Variants in ZNF423 observed in about 807,000 individuals in gnomAD.
The protein encoded by ZNF423 is zinc finger protein 423, also known as Ebf-associated zinc finger protein.
In ZNF423, 12 loss-of-function variants were observed where a neutral mutation model predicts 95.8. The ratio of observed to expected loss-of-function variants is 0.13; its 90% CI spans 0.08 to 0.20. The LOEUF is 0.20. ZNF423 is among the 10% of genes least tolerant of loss of function. ZNF423 has a pLI of 1.00. For missense variants in ZNF423, 1,316 were observed against 1,737.1 expected (o/e 0.76, Z 4.31); for synonymous variants, 749 against 711.9 (o/e 1.05, Z -0.83).
At chr16:49,773,714 G>C (rs774751150) in intron 2 of ZNF423, among the ~76,000 whole-genome samples, 13 of 152,214 alleles carry the variant, frequency 8.5e-5, no homozygotes, top group Non-Finnish European at 7.3e-5. Flanking sequence ...CCACAAACTT[G>C]CTGTGTGACA....
chr16:49,789,240 T>C (rs2034369627), intron 2 of ZNF423, among the ~76,000 whole-genome samples: 1 of 152,230 alleles, frequency 6.6e-6, no homozygotes, highest in South Asian at 2.1e-4. Context: ...ACTGCCCATC[T>C]GAACTGTAGC....
At chr16:49,714,473 A>G (rs1252038116) in intron 3 of ZNF423, among the ~76,000 whole-genome samples, 2 of 152,066 alleles carry the variant, frequency 1.3e-5, no homozygotes, top group Non-Finnish European at 1.5e-5. Flanking sequence ...CCTGGCCAAC[A>G]TGGCAAAACC....
chr16:49,557,316 G>T (rs1383295331), intron 5 of ZNF423, among the ~76,000 whole-genome samples: 3 of 152,214 alleles, frequency 2.0e-5, no homozygotes, highest in Admixed American at 1.3e-4. Context: ...AGGGAGGGGG[G>T]CAGACGCCGC....
Position 49,492,255 on chromosome 16 carries a change from A to G in ZNF423, c.3850-951T>C, listed in dbSNP as rs1262455771. On this transcript the variant is annotated intron_variant, in intron 7 of 7. Coordinates refer to ENST00000563137, the MANE Select transcript of ZNF423 (RefSeq NM_001379286.1). The surrounding 1 kb of genome is among the most constrained non-coding windows in gnomAD (Gnocchi z 4.2). Reference sequence around the variant, plus strand: ...GCTCCACCTCATGACACCTGGAGAAAGGAGGCAACATCCACCAGGTGTAGG... The same window carrying G: ...GCTCCACCTCATGACACCTGGAGAAGGGAGGCAACATCCACCAGGTGTAGG... Among the ~76,000 whole-genome samples, 1 of 152,160 alleles carries G rather than the reference A, an allele frequency of 6.6e-6. No homozygotes were observed. The highest frequency in any genetic ancestry group is 1.5e-5 in the Non-Finnish European group (1 of 68,036).
Position 49,702,255 on chromosome 16 carries a change from C to T in ZNF423, c.301+28516G>A, listed in dbSNP as rs1476304095. ...GGGCCTTTGGAGACGCTCACACTGC[C>T]AGCGAGTCTCTGAACGCTGGAACCG... On this transcript the variant is annotated intron_variant, in intron 3 of 7. Coordinates refer to ENST00000563137, the MANE Select transcript of ZNF423 (RefSeq NM_001379286.1). Among the ~76,000 whole-genome samples, 4 of 152,220 alleles carry T rather than the reference C, an allele frequency of 2.6e-5. No individual in the cohort carries two copies. The East Asian group carries it at 7.7e-4, about 29-fold the overall frequency.
At chr16:49,563,286 C>T (rs1970077497) in intron 5 of ZNF423, among the ~76,000 whole-genome samples, 1 of 152,052 alleles carries the variant, frequency 6.6e-6, no homozygotes, top group South Asian at 2.1e-4. Context: ...CTGGCACCTC[C>T]CCCCTCCCTC....
rs1012777791 is a variant in ZNF423, at chr16:49,538,230, T to C, written c.3602-12736A>G. Among the ~76,000 whole-genome samples, 7 of 152,246 alleles carry C rather than the reference T, an allele frequency of 4.6e-5. 1 individual carries two copies. In the South Asian group the frequency reaches 1.5e-3, roughly 32 times the overall value. ...GCCACCTCCACACAGCCTCCAACTCTCCAGCGAGGTGCAGCGAGCAGAACA... is the reference window on the plus strand; with the variant it reads ...GCCACCTCCACACAGCCTCCAACTCCCCAGCGAGGTGCAGCGAGCAGAACA... On this transcript the variant is annotated intron_variant, in intron 5 of 7. Coordinates refer to ENST00000563137, the MANE Select transcript of ZNF423 (RefSeq NM_001379286.1).
intron 5 of ZNF423, among the ~76,000 whole-genome samples, chr16:49,534,017 G>A (rs1968959194): frequency 6.6e-6 from 1 of 152,080 alleles, no homozygotes; most frequent in Non-Finnish European, 1.5e-5. Flanking sequence ...AATTAGCCAG[G>A]CATGGTGGTG....
At chr16:49,752,522 A>T (rs1050978168) in intron 2 of ZNF423, among the ~76,000 whole-genome samples, 2 of 152,154 alleles carry the variant, frequency 1.3e-5, no homozygotes, top group Non-Finnish European at 2.9e-5. Flanking sequence ...TTCAAAGGGG[A>T]GCCCAGGGAG....
chr16:49,688,094 GAAAAA>G (rs5816654), intron 3 of ZNF423, among the ~76,000 whole-genome samples: 2 of 107,668 alleles, frequency 1.9e-5, no homozygotes, highest in South Asian at 6.5e-4. Context: ...GGTTGAGAGG[GAAAAA>G]AAAAAAAAAA....
intron 5 of ZNF423, among the ~76,000 whole-genome samples, chr16:49,549,133 G>A (rs1000581085): frequency 6.6e-6 from 1 of 152,232 alleles, no homozygotes; most frequent in Non-Finnish European, 1.5e-5. Flanking sequence ...GAAATGCTCA[G>A]ATGGTGGCAG....
chr16:49,630,589 C>T (rs1447507691), intron 4 of ZNF423, among the ~76,000 whole-genome samples: 1 of 152,122 alleles, frequency 6.6e-6, no homozygotes, highest in African/African-American at 2.4e-5. Context: ...CACGTCCCCC[C>T]TCCAAGGATG....
At chr16:49,786,211 G>T (rs972602468) in intron 2 of ZNF423, among the ~76,000 whole-genome samples, 1 of 152,236 alleles carries the variant, frequency 6.6e-6, no homozygotes, top group Non-Finnish European at 1.5e-5. Context: ...GCCAGGCAAG[G>T]CCAGGCTCTC....
chr16:49,724,337 A>G (rs576665536), intron 3 of ZNF423, among the ~76,000 whole-genome samples: 1 of 152,266 alleles, frequency 6.6e-6, no homozygotes, highest in Admixed American at 6.5e-5. Flanking sequence ...AACTCTTAAG[A>G]TAGGGGGCGG....
chr16:49,838,471 G>C (rs762113271), intron 1 of ZNF423, among the ~76,000 whole-genome samples: 6 of 152,202 alleles, frequency 3.9e-5, no homozygotes, highest in African/African-American at 1.2e-4. Context: ...GCGGCATTAC[G>C]TGTATGAGGA....
intron 3 of ZNF423, among the ~76,000 whole-genome samples, chr16:49,666,923 A>G (rs1280273482): frequency 6.6e-6 from 1 of 152,248 alleles, no homozygotes; most frequent in Non-Finnish European, 1.5e-5. Flanking sequence ...AGGGGTAAGC[A>G]CAAGCCCATG....
intron 3 of ZNF423, among the ~76,000 whole-genome samples, chr16:49,647,027 T>G (rs879943638): frequency 7.9e-5 from 12 of 152,210 alleles, no homozygotes; most frequent in Admixed American, 7.2e-4. Flanking sequence ...GCACAGACAT[T>G]GCAAGTGGCA....
intron 3 of ZNF423, among the ~76,000 whole-genome samples, chr16:49,725,265 G>A (rs1174927483): frequency 6.6e-6 from 1 of 152,096 alleles, no homozygotes; most frequent in Non-Finnish European, 1.5e-5. Context: ...CATGCCTGTG[G>A]TCCTAGCTCA....
At chr16:49,843,951 G>A (rs1157914557) in intron 1 of ZNF423, among the ~76,000 whole-genome samples, 2 of 152,178 alleles carry the variant, frequency 1.3e-5, no homozygotes, top group African/African-American at 2.4e-5. Flanking sequence ...GTAGCAGGAT[G>A]AGCGTCACAG....
Sources: allele counts gnomAD v4.1 joint callset (sites outside exome capture counted in the v4.1 genomes callset), GRCh38; gene constraint gnomAD v4.1.1; non-coding constraint Gnocchi (gnomAD v3.1); transcripts MANE v1.5; gene names NCBI Gene and HGNC (gene_info 2026-07-23, HGNC 2026-07-21).